Variants in GALNT14 observed in about 807,000 individuals in gnomAD.
GALNT14 encodes the protein polypeptide N-acetylgalactosaminyltransferase 14, also known as UDP-GalNAc:polypeptide N-acetylgalactosaminyltransferase 14.
Under a neutral mutation model 77.5 loss-of-function variants are expected in GALNT14, and 60 were observed. The ratio of observed to expected loss-of-function variants is 0.77; its 90% CI spans 0.63 to 0.96. The LOEUF (loss-of-function observed/expected upper bound fraction) is 0.96. Ranked by LOEUF, GALNT14 falls within the 40% of genes least tolerant of loss-of-function variation. The pLI is 0.00. For missense variants in GALNT14, 710 were observed against 731.0 expected, an observed-to-expected ratio of 0.97 and a Z score of 0.33; for synonymous variants, 280 against 281.7, an observed-to-expected ratio of 0.99 and a Z score of 0.06.
chr2:30,954,111 G>A (rs953225884), intron 6 of GALNT14, among the ~76,000 whole-genome samples: 7 of 152,150 alleles, frequency 4.6e-5, no homozygotes, highest in East Asian at 3.9e-4. Context: ...CCGTGGACGA[G>A]GCCCCACAGA....
chr2:30,955,243 T>G (rs1667287230), intron 6 of GALNT14, among the ~76,000 whole-genome samples: 1 of 152,164 alleles, frequency 6.6e-6, no homozygotes, highest in Admixed American at 6.5e-5. Context: ...TTAAGTTTGC[T>G]GCCTCCTTTC....
chr2:31,120,268 C>G (rs1678340293), intron 1 of GALNT14, among the ~76,000 whole-genome samples: 1 of 152,034 alleles, frequency 6.6e-6, no homozygotes, highest in African/African-American at 2.4e-5. Flanking sequence ...CAATCTCTCA[C>G]TCTCCTTTTT....
intron 1 of GALNT14, among the ~76,000 whole-genome samples, chr2:31,000,069 G>A (rs1036131023): frequency 2.6e-5 from 4 of 152,158 alleles, no homozygotes; most frequent in Non-Finnish European, 5.9e-5. Flanking sequence ...GGAACAGGTT[G>A]TCCTGTTCTA....
At position 31,080,744 on chromosome 2, in the gene GALNT14, C is replaced by A. The variant is rs545791978; in HGVS notation, c.129+57214G>T. 5.9e-5 allele frequency among the ~76,000 whole-genome samples: 9 copies of A among 152,298 alleles called. No individual in the cohort carries two copies. In the East Asian group the frequency reaches 1.7e-3, roughly 29 times the overall value. On this transcript the variant is annotated intron_variant, in intron 1 of 14. Transcript: ENST00000349752. ...TAGTTTGAGGATGGAACTTGGAAAT[C>A]ACTGGGTTCTATTAAACCCTAATGT...
intron 6 of GALNT14, among the ~76,000 whole-genome samples, chr2:30,949,979 A>G (rs899265422): frequency 1.3e-5 from 2 of 152,210 alleles, no homozygotes; most frequent in African/African-American, 2.4e-5. Flanking sequence ...CTGGGTTCCC[A>G]TTCTGATTCT....
chr2:30,921,185 C>A (rs1460424384), intron 13 of GALNT14, among the ~76,000 whole-genome samples: 1 of 152,156 alleles, frequency 6.6e-6, no homozygotes, highest in South Asian at 2.1e-4. Context: ...CGGAGGCCCA[C>A]AGAGACCTGG....
intron 1 of GALNT14, among the ~76,000 whole-genome samples, chr2:31,056,601 T>C (rs1488543080): frequency 6.6e-6 from 1 of 152,184 alleles, no homozygotes; most frequent in Non-Finnish European, 1.5e-5. Flanking sequence ...CGTGTGCACC[T>C]GCCATGGGGA....
At chr2:31,103,778 C>A (rs1386749287) in intron 1 of GALNT14, among the ~76,000 whole-genome samples, 1 of 152,144 alleles carries the variant, frequency 6.6e-6, no homozygotes, top group Non-Finnish European at 1.5e-5. Context: ...AGAACACTTA[C>A]ATTCTCCTCT....
At chr2:31,061,527 A>C (rs1674590773) in intron 1 of GALNT14, among the ~76,000 whole-genome samples, 1 of 152,172 alleles carries the variant, frequency 6.6e-6, no homozygotes, top group African/African-American at 2.4e-5. Flanking sequence ...AAACCAAACA[A>C]TGACCATAAA....
intron 11 of GALNT14, among the ~76,000 whole-genome samples, chr2:30,927,822 C>A (rs1050087340): frequency 2.0e-5 from 3 of 152,126 alleles, no homozygotes; most frequent in African/African-American, 7.2e-5. Flanking sequence ...AGACTGCAGG[C>A]CTTGCTGAGA....
At chr2:31,081,447 G>A (rs894693415) in intron 1 of GALNT14, among the ~76,000 whole-genome samples, 5 of 152,128 alleles carry the variant, frequency 3.3e-5, no homozygotes, top group Non-Finnish European at 5.9e-5. Flanking sequence ...GGAAGGAAAG[G>A]GTAAAGACTG....
At chr2:31,096,208 CTTATT>C (rs1676997208) in intron 1 of GALNT14, among the ~76,000 whole-genome samples, 1 of 152,182 alleles carries the variant, frequency 6.6e-6, no homozygotes, top group African/African-American at 2.4e-5. Context: ...AGATACTCTC[CTTATT>C]TTAAGATCAG....
intron 1 of GALNT14, among the ~76,000 whole-genome samples, chr2:31,024,701 C>A (rs1313877160): frequency 6.6e-6 from 1 of 152,144 alleles, no homozygotes; most frequent in African/African-American, 2.4e-5. Context: ...GAATGTTGGC[C>A]TCGTGAGGAC....
intron 4 of GALNT14, 89 bp from the exon 5 acceptor site, chr2:30,956,066 A>C: frequency 7.7e-7 from 1 of 1,298,556 alleles, no homozygotes; most frequent in Non-Finnish European, 1.1e-6. Context: ...CCTGAAGGGT[A>C]GGTGAGGCAG....
chr2:30,952,635 A>G (rs894453094), intron 6 of GALNT14, among the ~76,000 whole-genome samples: 2 of 145,094 alleles, frequency 1.4e-5, no homozygotes, highest in Non-Finnish European at 3.0e-5. Flanking sequence ...GGGGAGGGAT[A>G]GCATCGGGAG....
chr2:31,066,402 G>C (rs1439933747), intron 1 of GALNT14, among the ~76,000 whole-genome samples: 1 of 150,992 alleles, frequency 6.6e-6, no homozygotes, highest in Non-Finnish European at 1.5e-5. Context: ...GCTGCGAAAG[G>C]GTGCGGGGGC....
intron 1 of GALNT14, among the ~76,000 whole-genome samples, chr2:31,007,917 C>A (rs1670782213): frequency 6.6e-6 from 1 of 152,196 alleles, no homozygotes; most frequent in Non-Finnish European, 1.5e-5. Flanking sequence ...TTGCCCTCAA[C>A]TCGCAGTGGC....
intron 3 of GALNT14, among the ~76,000 whole-genome samples, chr2:30,961,381 G>A (rs139327738): frequency 4.6e-5 from 7 of 152,158 alleles, no homozygotes; most frequent in African/African-American, 1.7e-4. Context: ...TCTGGAGTGA[G>A]ACTAACTTGG....
chr2:30,955,806 A>G, intron 5 of GALNT14, 67 bp from the exon 6 acceptor site: 1 of 1,609,260 alleles, frequency 6.2e-7, no homozygotes, highest in East Asian at 2.2e-5. Flanking sequence ...GACCAGGGAG[A>G]AGCCACCCAG....
Sources: allele counts gnomAD v4.1 joint callset (sites outside exome capture counted in the v4.1 genomes callset), GRCh38; gene constraint gnomAD v4.1.1; transcripts MANE v1.5; gene names NCBI Gene and HGNC (gene_info 2026-07-23, HGNC 2026-07-21).